The following EYS variants were observed in gnomAD, a reference collection of about 807,000 sequenced individuals.
EYS encodes the protein EGF-like photoreceptor maintenance factor, also known as protein eyes shut homolog.
In EYS, 250 loss-of-function variants were observed where a neutral mutation model predicts 282.1. The ratio of observed to expected loss-of-function variants is 0.89; its 90% CI spans 0.80 to 0.98. The LOEUF (loss-of-function observed/expected upper bound fraction) is 0.98, where lower values mean the gene tolerates loss of function less well. Ranked by LOEUF, EYS falls within the 50% of genes least tolerant of loss-of-function variation. EYS has a pLI of 0.00. For synonymous variants in EYS, 1,355 were observed against 1,282.9 expected, an observed-to-expected ratio of 1.06 and a Z score of -1.20; for missense variants, 4,016 against 3,709.0, an observed-to-expected ratio of 1.08 and a Z score of -2.15.
chr6:64,649,640 C>G (rs1453493370), intron 22 of EYS, among the ~76,000 whole-genome samples: 1 of 152,260 alleles, frequency 6.6e-6, no homozygotes, highest in South Asian at 2.1e-4. Flanking sequence ...GCCCAGCCAA[C>G]TGCTTTCTTT....
At chr6:64,463,871 T>C (rs984834229) in intron 26 of EYS, among the ~76,000 whole-genome samples, 1 of 152,186 alleles carries the variant, frequency 6.6e-6, no homozygotes, top group Admixed American at 6.5e-5. Flanking sequence ...AATGAACTTA[T>C]ACCAATTCTT....
intron 35 of EYS, among the ~76,000 whole-genome samples, chr6:63,942,827 C>G (rs957653063): frequency 1.3e-5 from 2 of 152,062 alleles, no homozygotes; most frequent in African/African-American, 4.8e-5. Flanking sequence ...CTCTGCTATC[C>G]CTGAGACAGC....
chr6:65,648,327 TG>T (rs1756724458), intron 1 of EYS, among the ~76,000 whole-genome samples: 2 of 151,564 alleles, frequency 1.3e-5, no homozygotes, highest in African/African-American at 4.8e-5. Context: ...TGTGTGTGTG[TG>T]TGTGTGTGTG....
At chr6:65,309,410 G>A (rs1399129701) in intron 11 of EYS, among the ~76,000 whole-genome samples, 1 of 152,130 alleles carries the variant, frequency 6.6e-6, no homozygotes, top group East Asian at 1.9e-4. Flanking sequence ...AATCAGCCAA[G>A]GGTGATGGGA....
At chr6:64,007,625 G>C (rs944141970) in intron 33 of EYS, among the ~76,000 whole-genome samples, 1 of 152,062 alleles carries the variant, frequency 6.6e-6, no homozygotes, top group Admixed American at 6.6e-5. Context: ...TGGGCATTTA[G>C]CACTATAACT....
intron 12 of EYS, among the ~76,000 whole-genome samples, chr6:65,154,410 T>C (rs1415864371): frequency 6.6e-6 from 1 of 151,702 alleles, no homozygotes; most frequent in East Asian, 1.9e-4. Context: ...TGTATTTTAA[T>C]AGTTTTATAC....
chr6:63,998,532 A>T (rs1767937161), intron 34 of EYS, among the ~76,000 whole-genome samples: 1 of 152,162 alleles, frequency 6.6e-6, no homozygotes, highest in Non-Finnish European at 1.5e-5. Context: ...CAATAAAGTT[A>T]TACTAAGAAA....
chr6:64,429,595 C>T (rs576587570), intron 28 of EYS, among the ~76,000 whole-genome samples: 35 of 152,324 alleles, frequency 2.3e-4, no homozygotes, highest in Admixed American at 2.0e-3. Flanking sequence ...AGCACCACTG[C>T]ACTCCAGCCT....
At chr6:65,210,629 G>C (rs1409411986) in intron 12 of EYS, among the ~76,000 whole-genome samples, 1 of 151,824 alleles carries the variant, frequency 6.6e-6, no homozygotes, top group Non-Finnish European at 1.5e-5. Flanking sequence ...TAAGTACATG[G>C]CAAAGAAAAT....
At chr6:64,099,434 G>A (rs951310391) in intron 31 of EYS, among the ~76,000 whole-genome samples, 2 of 152,148 alleles carry the variant, frequency 1.3e-5, no homozygotes, top group African/African-American at 4.8e-5. Flanking sequence ...GAATTAGTTT[G>A]CCTTTGCCTA....
At chr6:64,230,166 A>G (rs554729968) in intron 31 of EYS, among the ~76,000 whole-genome samples, 1 of 152,326 alleles carries the variant, frequency 6.6e-6, no homozygotes, top group South Asian at 2.1e-4. Flanking sequence ...TTAATGTACT[A>G]TTCTTAAACA....
At chr6:64,754,727 G>T (rs553583385) in intron 22 of EYS, among the ~76,000 whole-genome samples, 1 of 152,128 alleles carries the variant, frequency 6.6e-6, no homozygotes, top group South Asian at 2.1e-4. Flanking sequence ...TTGATAAAAA[G>T]CATCTGATGA....
chr6:64,312,012 G>C (rs12665842), intron 29 of EYS, among the ~76,000 whole-genome samples: 1 of 141,332 alleles, frequency 7.1e-6, no homozygotes, highest in Admixed American at 7.0e-5. Flanking sequence ...GTGGCACCTG[G>C]AATGCCGGCG....
intron 36 of EYS, among the ~76,000 whole-genome samples, chr6:63,817,103 A>G (rs1471754576): frequency 6.6e-6 from 1 of 152,248 alleles, no homozygotes; most frequent in Non-Finnish European, 1.5e-5. Flanking sequence ...TACAGAAACC[A>G]GAGAGCATAT....
At position 65,663,594 on chromosome 6, in the gene EYS, T is replaced by C. The variant is rs1419379368; in HGVS notation, c.-447-23702A>G. On this transcript the variant is annotated intron_variant, in intron 1 of 42. Transcript: ENST00000503581. Reference sequence around the variant, plus strand: ...GCCAAAGTGGGCAGAAAGATAGCTTTGAAATGCATCTGTCATGGTTTGGAT... The same window carrying C: ...GCCAAAGTGGGCAGAAAGATAGCTTCGAAATGCATCTGTCATGGTTTGGAT... Among the ~76,000 whole-genome samples the C allele has an allele frequency of 1.3e-5, 2 of 152,194 alleles. 1 individual carries two copies. The highest frequency in any genetic ancestry group is 1.3e-4 in the Admixed American group (2 of 15,272).
intron 12 of EYS, among the ~76,000 whole-genome samples, chr6:65,173,637 AT>A (rs769972282): frequency 6.6e-6 from 1 of 150,912 alleles, no homozygotes; most frequent in Non-Finnish European, 1.5e-5. Context: ...TAAGCTTATC[AT>A]TTTTCTTTTT....
chr6:65,441,362 T>G (rs968372639), intron 5 of EYS, among the ~76,000 whole-genome samples: 1 of 151,986 alleles, frequency 6.6e-6, no homozygotes, highest in Admixed American at 6.6e-5. Context: ...TAGTTTTAGA[T>G]CTGTTCTATT....
At chr6:64,185,689 T>C (rs1299193064) in intron 31 of EYS, among the ~76,000 whole-genome samples, 2 of 152,178 alleles carry the variant, frequency 1.3e-5, no homozygotes, top group Admixed American at 1.3e-4. Context: ...ATGACATTCA[T>C]TTTCCTTTTC....
At chr6:64,348,309 T>C (rs1430501975) in intron 29 of EYS, among the ~76,000 whole-genome samples, 1 of 151,506 alleles carries the variant, frequency 6.6e-6, no homozygotes, top group Non-Finnish European at 1.5e-5. Flanking sequence ...TGCTTTTCTC[T>C]AGCATCATAT....
Sources: gnomAD v4.1 joint callset for allele counts (sites outside exome capture counted in the v4.1 genomes callset) on GRCh38, gnomAD v4.1.1 for gene constraint, MANE v1.5 for transcripts, NCBI Gene and HGNC (gene_info 2026-07-23, HGNC 2026-07-21) for gene names.